NBEAL2: variants seen among roughly 807,000 people sequenced by gnomAD.
The protein encoded by NBEAL2 is neurobeachin-like protein 2.
In NBEAL2, 160 loss-of-function variants were observed where a neutral mutation model predicts 299.8. That is an observed-to-expected ratio of 0.53 (90% confidence interval 0.47 to 0.61). The LOEUF is 0.61. NBEAL2 is among the 20% of genes least tolerant of loss of function. The pLI is 0.00. For synonymous variants in NBEAL2, 1,493 were observed against 1,542.3 expected, an observed-to-expected ratio of 0.97 and a Z score of 0.75; for missense variants, 3,112 against 3,649.0, an observed-to-expected ratio of 0.85 and a Z score of 3.79.
At chr3:46,987,901 G>T in intron 1 of NBEAL2, 3 of 960,896 alleles carry the variant, frequency 3.1e-6, no homozygotes, top group Admixed American at 3.0e-5. Context: ...ACATCCCTGC[G>T]GTCTGCCGGG....
In NBEAL2 at chr3:47,000,149, C is replaced by T. The variant is rs757071449; in HGVS notation, c.4050C>T (p.Ser1350=). The T allele has an allele frequency of 4.3e-6, 7 of 1,613,744 alleles. No homozygotes were observed. The highest frequency in any genetic ancestry group is 5.9e-6 in the Non-Finnish European group (7 of 1,179,892). ...PDPDGFYHAL[S]PFCTPFDLGL... is the part of the protein sequence containing the mutation. ...CTGATGGCTTTTACCATGCTCTCTCCCCATTCTGCACGCCCTTTGACCTGG... is the reference window on the plus strand; with the variant it reads ...CTGATGGCTTTTACCATGCTCTCTCTCCATTCTGCACGCCCTTTGACCTGG... The change falls in exon 27 of 54, where the codon TCC becomes TCT. Residue 1350 remains serine (S), a synonymous_variant. Coordinates refer to ENST00000450053, the MANE Select transcript of NBEAL2 (RefSeq NM_015175.3). The surrounding 1 kb of genome is among the most constrained non-coding windows in gnomAD (Gnocchi z 4.5).
At position 46,995,424 on chromosome 3, in the gene NBEAL2, C is replaced by T. The variant is rs765810204; in HGVS notation, c.1689C>T (p.Arg563=). ...GKARHAGAVI[R]TLSGMARHQG... ...CCCGACACGCAGGTGCTGTCATCCG[C>T]ACATTATCAGGCATGGCCAGGCACC... The change falls in exon 13 of 54, where the codon CGC becomes CGT. Residue 563 remains arginine (R), a synonymous_variant. Coordinates refer to ENST00000450053, the MANE Select transcript of NBEAL2 (RefSeq NM_015175.3). 6.2e-7 allele frequency: 1 copy of T among 1,612,818 alleles called. No homozygotes were observed. The highest frequency in any genetic ancestry group is 1.1e-5 in the South Asian group (1 of 91,088).
rs2037294024 is a variant in NBEAL2, at chr3:47,004,692, T to G, written c.6294+102T>G. 1 of 1,274,328 alleles carries G rather than the reference T, an allele frequency of 7.8e-7. No homozygotes were observed. The highest frequency in any genetic ancestry group is 1.1e-6 in the Non-Finnish European group (1 of 883,058). The allele number at this position is 1,274,328 out of a possible 1,614,324, so 78.9% of individuals were successfully genotyped here. ...CTGCCAGTGGGCCAAGCTCTGAGCT[T>G]GGTCAAGGGTAGATGTGCCAATGAA... On this transcript the variant is annotated intron_variant, in intron 38 of 53. Coordinates refer to ENST00000450053, the MANE Select transcript of NBEAL2 (RefSeq NM_015175.3). This position sits in a 1 kb window ranked among gnomAD's most constrained non-coding sequence, Gnocchi z 5.0.
At chr3:46,980,553 G>A (rs2035255721) in intron 1 of NBEAL2, among the ~76,000 whole-genome samples, 1 of 147,328 alleles carries the variant, frequency 6.8e-6, no homozygotes, top group Non-Finnish European at 1.5e-5. Flanking sequence ...AGGAGCAGAA[G>A]AAAAGGTTTT....
At chr3:46,992,687 C>T in intron 10 of NBEAL2, 132 bp downstream of exon 10, 1 of 838,512 alleles carries the variant, frequency 1.2e-6, no homozygotes, top group Non-Finnish European at 1.9e-6. Flanking sequence ...GTGGGTCCTC[C>T]ATGCTGTCTC....
Position 46,995,652 on chromosome 3 carries a change from C to T in NBEAL2, c.1898+19C>T. The T allele has an allele frequency of 6.2e-7, 1 of 1,608,984 alleles. No homozygotes were observed. Among genetic ancestry groups the T allele is most frequent in the Non-Finnish European group, 8.5e-7 (1 of 1,176,696 alleles). ...TGTACAGGTGGGTGACTGCCAGGGG[C>T]CAGGGACCTCCTGCCAGGGTGAGCA... is the stretch of plus-strand genomic sequence containing the variant. On this transcript the variant is annotated intron_variant, in intron 13 of 53. Transcript: ENST00000450053.
chr3:47,003,821 A>T lies in NBEAL2; in HGVS notation c.5726A>T (p.Glu1909Val). Residue 1909 changes from glutamate to valine, a missense_variant, in exon 36 of 54, where the codon GAG becomes GTG. Glu to Val is a moderately radical substitution (Grantham distance 121). Transcript: ENST00000450053. This position sits in a 1 kb window ranked among gnomAD's most constrained non-coding sequence, Gnocchi z 7.0. Reference sequence around the variant, plus strand: ...GGTGGGTTGCTGGTCTTTAGGATGGAGGCAGCAGAACTGGATGAGCAGCGT... The same window carrying T: ...GGTGGGTTGCTGGTCTTTAGGATGGTGGCAGCAGAACTGGATGAGCAGCGT... The part of the protein sequence containing the change: ...DELAELETPM[E>V]AAELDEQREK... 1 of 1,601,040 alleles carries T rather than the reference A, an allele frequency of 6.2e-7. No individual in the cohort carries two copies.
At position 46,993,910 on chromosome 3, in the gene NBEAL2, C is replaced by T. The variant is rs562926333; in HGVS notation, c.1114-27C>T. On this transcript the variant is annotated intron_variant, in intron 10 of 53. Transcript: ENST00000450053. ...AGCTGTGACACCCTGGCCCCTGCCT[C>T]TCCTGATGGCCCCTCCCCACCCCAA... The T allele has an allele frequency of 1.4e-4, 216 of 1,596,272 alleles. 1 individual carries two copies. The South Asian group carries it at 2.3e-3, about 17-fold the overall frequency.
At position 46,997,643 on chromosome 3, in the gene NBEAL2, G is replaced by A; in HGVS notation, c.2907G>A (p.Glu969=). The change falls in exon 20 of 54, where the codon GAG becomes GAA. Residue 969 remains glutamate (E), a synonymous_variant. Coordinates refer to ENST00000450053, the MANE Select transcript of NBEAL2 (RefSeq NM_015175.3). ...TTCAGGGTCACATGGTGAACCAAGA[G>A]AGCCTGGTGCAGTGCCAGGGGCCTG... The part of the protein sequence containing the change: ...NFLQGHMVNQ[E]SLVQCQGPAI... 1 of 1,591,522 alleles carries A rather than the reference G, an allele frequency of 6.3e-7. No individual in the cohort carries two copies. The highest frequency in any genetic ancestry group is 1.1e-5 in the South Asian group (1 of 89,372).
intron 1 of NBEAL2, among the ~76,000 whole-genome samples, chr3:46,984,150 A>AAGTAC (rs772822373): frequency 1.4e-5 from 2 of 146,850 alleles, no homozygotes; most frequent in African/African-American, 5.0e-5. Flanking sequence ...AAAAAAAAAA[A>AAGTAC]AAAAAATTAG....
In NBEAL2 at chr3:46,989,294, C is replaced by G. The variant is rs372831354; in HGVS notation, c.386C>G (p.Thr129Arg). 1 of 1,608,524 alleles carries G rather than the reference C, an allele frequency of 6.2e-7. No homozygotes were observed. Among genetic ancestry groups the G allele is most frequent in the Non-Finnish European group, 8.5e-7 (1 of 1,177,488 alleles). ...KGCPPPQGRG[T>R]QLENVALHAL... ...TGCCCACCACCCCAGGGCCGAGGCA[C>G]GCAGTTGGAGAATGTGGCCCTACAT... is the stretch of plus-strand genomic sequence containing the variant. Residue 129 changes from threonine (T) to arginine (R), a missense_variant, in exon 5 of 54, where the codon ACG becomes AGG. Transcript: ENST00000450053. The surrounding 1 kb of genome is among the most constrained non-coding windows in gnomAD (Gnocchi z 5.5).
At position 47,007,601 on chromosome 3, in the gene NBEAL2, G is replaced by A; in HGVS notation, c.7411G>A (p.Gly2471Arg). The A allele has an allele frequency of 1.2e-6, 2 of 1,612,060 alleles. No individual in the cohort carries two copies. The highest frequency in any genetic ancestry group is 8.5e-7 in the Non-Finnish European group (1 of 1,179,488). Residue 2471 changes from glycine (G) to arginine (R), a missense_variant, in exon 48 of 54, where the codon GGA (glycine) becomes AGA (arginine). By Grantham distance (125) the Gly-to-Arg change is moderately radical (BLOSUM62 -2). This residue lies in a region of NBEAL2 where 348 missense variants were observed against 381.4 expected (regional missense o/e 0.91). Coordinates refer to ENST00000450053, the MANE Select transcript of NBEAL2 (RefSeq NM_015175.3). ...ACAAGCACTGGCAGTGGCCCCGGAT[G>A]GAAAGCTGCTATTCAGCGGTGGCCA... ...SGQALAVAPD[G>R]KLLFSGGHWD...
At chr3:46,994,409 C>T in intron 11 of NBEAL2, 46 bp from the exon 12 acceptor site, 1 of 1,524,494 alleles carries the variant, frequency 6.6e-7, no homozygotes, top group Non-Finnish European at 8.9e-7. Flanking sequence ...AGTTTGCCCT[C>T]CGGCCCATGT....
Position 46,997,295 on chromosome 3 carries a change from C to A in NBEAL2, c.2686C>A (p.Leu896Met), listed in dbSNP as rs371538211. ...VNCVGGMGALLPLLERVAAQP... is the reference protein window; with the variant it reads ...VNCVGGMGALMPLLERVAAQP... ...CTGCGTTGGGGGTATGGGTGCCCTGCTGCCCCTGCTGGAGCGAGTAGCTGC... is the reference window on the plus strand; with the variant it reads ...CTGCGTTGGGGGTATGGGTGCCCTGATGCCCCTGCTGGAGCGAGTAGCTGC... The change falls in exon 19 of 54, where the codon CTG (leucine) becomes ATG (methionine). Residue 896 changes from leucine (L) to methionine (M), a missense_variant. Leu to Met is a conservative substitution (Grantham distance 15). Coordinates refer to ENST00000450053, the MANE Select transcript of NBEAL2 (RefSeq NM_015175.3). The A allele has an allele frequency of 1.2e-5, 20 of 1,612,898 alleles. No individual in the cohort carries two copies. Among genetic ancestry groups the A allele is most frequent in the Non-Finnish European group, 1.4e-5 (17 of 1,179,856 alleles).
Position 46,994,439 on chromosome 3 carries a change from ATAC to A in NBEAL2, c.1198-12_1198-10del. On this transcript the variant is annotated splice_polypyrimidine_tract_variant and intron_variant, in intron 11 of 53. Transcript: ENST00000450053. ...CCATGTATGTGTTCACTTCTTCCCC[ATAC>A]TACCTTACACAGGAGGTGTTTAAGG... The A allele has an allele frequency of 6.4e-7, 1 of 1,574,788 alleles. No homozygotes were observed. Among genetic ancestry groups the A allele is most frequent in the Non-Finnish European group, 8.6e-7 (1 of 1,157,536 alleles).
Position 46,998,055 on chromosome 3 carries a change from G to A in NBEAL2, c.2959-12G>A, listed in dbSNP as rs749419024. 4 of 1,558,182 alleles carry A rather than the reference G, an allele frequency of 2.6e-6. No individual in the cohort carries two copies. Among genetic ancestry groups the A allele is most frequent in the African/African-American group, 2.7e-5 (2 of 73,344 alleles). ...AGCCTGAGCCCTCACTCCAGCTCCT[G>A]TCTTATCCCAGGTCCCAAGCTGGGC... On this transcript the variant is annotated splice_polypyrimidine_tract_variant and intron_variant, in intron 20 of 53. Transcript: ENST00000450053.
chr3:47,009,080 G>A lies in NBEAL2; in HGVS notation c.8119G>A (p.Glu2707Lys). 1 of 1,602,100 alleles carries A rather than the reference G, an allele frequency of 6.2e-7. No homozygotes were observed. The highest frequency in any genetic ancestry group is 8.5e-7 in the Non-Finnish European group (1 of 1,179,408). The change falls in exon 53 of 54, where the codon GAG (glutamate) becomes AAG (lysine). Residue 2707 changes from glutamate to lysine, a missense_variant. This residue lies in a region of NBEAL2 where 348 missense variants were observed against 381.4 expected (regional missense o/e 0.91). Coordinates refer to ENST00000450053, the MANE Select transcript of NBEAL2 (RefSeq NM_015175.3). The stretch of plus-strand genomic sequence containing the variant: ...GCGCAGCCACGTGCTGGTGGGCCTG[G>A]AGGATGGCAAGCTCATCGTGGTGGT... ...KERSHVLVGL[E>K]DGKLIVVVAG...
rs535036383 is a variant in NBEAL2 at position 47,002,084 on chromosome 3, TGCAGCTGCAGCAGCTGCA to T, written c.4958_4975del (p.Ala1653_Ala1658del). The T allele has an allele frequency of 2.6e-6, 4 of 1,551,534 alleles. No individual in the cohort carries two copies. The highest frequency in any genetic ancestry group is 1.4e-5 in the African/African-American group (1 of 73,092). On this transcript the variant is annotated inframe_deletion, in exon 31 of 54. Transcript: ENST00000450053. ...CCACTGATGAGGCAGGGTCCCCACT[TGCAGCTGCAGCAGCTGCA>T]GCAGCTGCAGAGCGCTGCTCCTGGC...
rs115639020 is a variant in NBEAL2, at chr3:46,989,938, C to T, written c.556+345C>T. On this transcript the variant is annotated intron_variant, in intron 6 of 53. Transcript: ENST00000450053. This position sits in a 1 kb window ranked among gnomAD's most constrained non-coding sequence, Gnocchi z 5.5. ...CCCATAGCCTCCACGCATCTCCACCCATCCCGGAGACACAGGAGGTATCTC... is the reference window on the plus strand; with the variant it reads ...CCCATAGCCTCCACGCATCTCCACCTATCCCGGAGACACAGGAGGTATCTC... 6.8e-3 allele frequency among the ~76,000 whole-genome samples: 1,042 copies of T among 152,238 alleles called. 12 individuals are homozygous for T. Among genetic ancestry groups the T allele is most frequent in the African/African-American group, 0.024 (995 of 41,530 alleles).
Sources: allele counts gnomAD v4.1 joint callset (sites outside exome capture counted in the v4.1 genomes callset), GRCh38; gene constraint gnomAD v4.1.1; regional missense constraint gnomAD v4.1.1; non-coding constraint Gnocchi (gnomAD v3.1); transcripts MANE v1.5; gene names NCBI Gene and HGNC (gene_info 2026-07-23, HGNC 2026-07-21).